FRMD4A: variants seen among roughly 807,000 people sequenced by gnomAD.
FRMD4A encodes FERM domain-containing protein 4A.
FRMD4A carries 29 observed loss-of-function variants against 129.1 expected under a neutral mutation model. That is an observed-to-expected ratio of 0.22 (90% CI 0.17 to 0.31). The LOEUF (loss-of-function observed/expected upper bound fraction) is 0.31. Among genes scored for constraint, FRMD4A ranks in the 10% least tolerant of loss-of-function variants. FRMD4A has a pLI of 1.00. For synonymous variants in FRMD4A, 634 were observed against 571.6 expected (o/e 1.11, Z -1.56); for missense variants, 1,272 against 1,375.8 (o/e 0.92, Z 1.19).
intron 3 of FRMD4A, among the ~76,000 whole-genome samples, chr10:13,840,987 C>T (rs182311483): frequency 1.3e-4 from 19 of 151,878 alleles, no homozygotes; most frequent in East Asian, 1.2e-3. Flanking sequence ...GCATGTCTGC[C>T]GTCCAAGCTA....
intron 2 of FRMD4A, among the ~76,000 whole-genome samples, chr10:14,329,076 C>A (rs1233367894): frequency 6.6e-6 from 1 of 152,206 alleles, no homozygotes; most frequent in Non-Finnish European, 1.5e-5. Context: ...GGGCAGGCTT[C>A]CCACTGACGG....
chr10:13,939,197 G>C (rs190990739), intron 2 of FRMD4A, among the ~76,000 whole-genome samples: 3 of 152,172 alleles, frequency 2.0e-5, no homozygotes, highest in Non-Finnish European at 4.4e-5. Context: ...AAATTGCCTG[G>C]GATTAATCAA....
chr10:14,287,466 T>A (rs1287047173), intron 2 of FRMD4A, among the ~76,000 whole-genome samples: 1 of 152,140 alleles, frequency 6.6e-6, no homozygotes, highest in East Asian at 1.9e-4. Context: ...TAATAACACC[T>A]TAAGTGTATT....
At chr10:13,768,639 A>T (rs564613879) in intron 6 of FRMD4A, among the ~76,000 whole-genome samples, 23 of 152,318 alleles carry the variant, frequency 1.5e-4, no homozygotes, top group African/African-American at 5.5e-4. Context: ...CCCACAAAAC[A>T]TCTAAAGATA....
chr10:13,966,012 A>G (rs1267356735), intron 2 of FRMD4A, among the ~76,000 whole-genome samples: 1 of 152,072 alleles, frequency 6.6e-6, no homozygotes, highest in Non-Finnish European at 1.5e-5. Context: ...GTAAGTTTGT[A>G]TAACTTTTTT....
chr10:14,020,056 G>A (rs896212263), intron 2 of FRMD4A, among the ~76,000 whole-genome samples: 3 of 152,150 alleles, frequency 2.0e-5, no homozygotes, highest in Non-Finnish European at 2.9e-5. Context: ...GGACAAAGAC[G>A]TCACTGAGGG....
intron 2 of FRMD4A, among the ~76,000 whole-genome samples, chr10:13,950,964 G>T (rs1418808618): frequency 6.6e-6 from 1 of 152,188 alleles, no homozygotes; most frequent in Non-Finnish European, 1.5e-5. Flanking sequence ...GATTCGAAGG[G>T]AGTAGAGAGA....
chr10:13,801,084 C>T (rs543635754), intron 4 of FRMD4A, among the ~76,000 whole-genome samples: 9 of 152,010 alleles, frequency 5.9e-5, no homozygotes, highest in Non-Finnish European at 1.0e-4. Flanking sequence ...CCGTCTCTAC[C>T]AAAAATACAA....
rs374455892 is a variant in FRMD4A, at chr10:14,066,795, G to C, written c.46-207883C>G. On this transcript the variant is annotated intron_variant, in intron 2 of 24. Coordinates refer to ENST00000357447, the MANE Select transcript of FRMD4A (RefSeq NM_018027.5). The stretch of plus-strand genomic sequence containing the variant: ...GCAAAGCAAAACGTATCAAAAAAAA[G>C]AAAGAGAAATTGAGGGGAAAATGAT... Among the ~76,000 whole-genome samples, 9 of 152,124 alleles carry C rather than the reference G, an allele frequency of 5.9e-5. No homozygotes were observed. In the South Asian group the frequency reaches 8.3e-4, roughly 14 times the overall value.
intron 2 of FRMD4A, among the ~76,000 whole-genome samples, chr10:14,094,673 T>C (rs763166507): frequency 3.3e-5 from 5 of 152,216 alleles, no homozygotes; most frequent in Admixed American, 6.5e-5. Context: ...CCTCTCTCTA[T>C]TGGGCATGCA....
intron 6 of FRMD4A, among the ~76,000 whole-genome samples, chr10:13,776,121 G>C (rs1349092968): frequency 6.7e-6 from 1 of 150,150 alleles, no homozygotes; most frequent in East Asian, 2.0e-4. Context: ...TTTTTTCTTT[G>C]TGACAAAGTC....
At chr10:13,713,014 C>T (rs2088192225) in intron 12 of FRMD4A, among the ~76,000 whole-genome samples, 1 of 152,208 alleles carries the variant, frequency 6.6e-6, no homozygotes, top group African/African-American at 2.4e-5. Flanking sequence ...GAGTGGTGGG[C>T]AAGCTCCCAG....
chr10:13,859,321 T>G lies in FRMD4A; in HGVS notation c.46-409A>C, dbSNP rs530540937. On this transcript the variant is annotated intron_variant, in intron 2 of 24. Coordinates refer to ENST00000357447, the MANE Select transcript of FRMD4A (RefSeq NM_018027.5). ...ATCGCTTGAACCCAGGAGGTGGAGG[T>G]TGCAGTGAGCCGAGATCGCGCCACT... Among the ~76,000 whole-genome samples, 138 of 151,952 alleles carry G rather than the reference T, an allele frequency of 9.1e-4. 1 individual carries two copies. The highest frequency in any genetic ancestry group is 2.1e-3 in the Admixed American group (32 of 15,260).
intron 6 of FRMD4A, among the ~76,000 whole-genome samples, chr10:13,764,836 G>A (rs1006863143): frequency 6.6e-6 from 1 of 152,148 alleles, no homozygotes; most frequent in Non-Finnish European, 1.5e-5. Flanking sequence ...CAGCCAGCCT[G>A]ACCCTGTGCT....
intron 2 of FRMD4A, among the ~76,000 whole-genome samples, chr10:14,267,538 T>C (rs1589246411): frequency 6.6e-6 from 1 of 152,210 alleles, no homozygotes; most frequent in East Asian, 1.9e-4. Flanking sequence ...GGCAGTAGCC[T>C]TTCTGGTTGG....
At chr10:14,058,246 T>C (rs1014430855) in intron 2 of FRMD4A, among the ~76,000 whole-genome samples, 1 of 152,200 alleles carries the variant, frequency 6.6e-6, no homozygotes, top group Non-Finnish European at 1.5e-5. Flanking sequence ...CATCCTCCCA[T>C]AAAATTCATT....
intron 2 of FRMD4A, among the ~76,000 whole-genome samples, chr10:14,230,001 T>A (rs775381520): frequency 3.9e-5 from 6 of 152,218 alleles, no homozygotes; most frequent in Non-Finnish European, 8.8e-5. Flanking sequence ...TCCATCTCTG[T>A]CTATAGAGGA....
chr10:14,175,968 G>A (rs1024057354), intron 2 of FRMD4A, among the ~76,000 whole-genome samples: 5 of 152,264 alleles, frequency 3.3e-5, no homozygotes, highest in Non-Finnish European at 2.9e-5. Flanking sequence ...AGTGCAACTC[G>A]CTGTCCTTAT....
At chr10:14,327,919 C>T (rs76263853) in intron 2 of FRMD4A, among the ~76,000 whole-genome samples, 4,252 of 152,274 alleles carry the variant, frequency 0.028, 123 homozygotes, top group Middle Eastern at 0.034. Context: ...GAACTCACAG[C>T]CAAAGCAACT....
Sources: allele counts gnomAD v4.1 joint callset (sites outside exome capture counted in the v4.1 genomes callset), GRCh38; gene constraint gnomAD v4.1.1; transcripts MANE v1.5; gene names NCBI Gene and HGNC (gene_info 2026-07-23, HGNC 2026-07-21).